The following DIAPH3 variants were observed in gnomAD, a reference collection of about 807,000 sequenced individuals.
DIAPH3 encodes diaphanous related formin 3, also known as protein diaphanous homolog 3.
Under a neutral mutation model 144.3 loss-of-function variants are expected in DIAPH3, and 117 were observed. That is an observed-to-expected ratio of 0.81 (90% CI 0.70 to 0.95). DIAPH3 has a LOEUF of 0.95. DIAPH3 is among the 40% of genes least tolerant of loss of function. The probability of loss-of-function intolerance (pLI) is 0.00; values close to 1 mark genes in which losing one functional copy is unlikely to be tolerated. For synonymous variants in DIAPH3, 519 were observed against 488.9 expected, an observed-to-expected ratio of 1.06 and a Z score of -0.81; for missense variants, 1,421 against 1,412.7, an observed-to-expected ratio of 1.01 and a Z score of -0.09.
At chr13:59,977,199 T>A (rs916880389) in intron 14 of DIAPH3, among the ~76,000 whole-genome samples, 2 of 151,692 alleles carry the variant, frequency 1.3e-5, no homozygotes, top group Admixed American at 6.6e-5. Context: ...CTAACAACCC[T>A]AAATCAATTA....
intron 4 of DIAPH3, 27 bp from the exon 5 acceptor site, chr13:60,042,847 G>A (rs1016538681): frequency 6.2e-7 from 1 of 1,610,316 alleles, no homozygotes; most frequent in African/African-American, 1.3e-5. Context: ...AAAATGTTTT[G>A]ATTAATACTG....
intron 17 of DIAPH3, among the ~76,000 whole-genome samples, chr13:59,943,400 G>A (rs540936747): frequency 1.6e-4 from 24 of 152,236 alleles, no homozygotes; most frequent in Admixed American, 7.2e-4. Context: ...GGGGAAGGAC[G>A]AACACAGACA....
intron 17 of DIAPH3, among the ~76,000 whole-genome samples, chr13:59,961,422 C>T (rs1389749591): frequency 3.3e-5 from 5 of 152,258 alleles, no homozygotes; most frequent in Admixed American, 2.0e-4. Flanking sequence ...TCCCTCACTT[C>T]GCGTGTATAT....
At chr13:59,804,188 T>C (rs1202652615) in intron 25 of DIAPH3, among the ~76,000 whole-genome samples, 6 of 152,218 alleles carry the variant, frequency 3.9e-5, no homozygotes, top group African/African-American at 1.4e-4. Flanking sequence ...GCCCCAGAAG[T>C]TCCAAACACA....
chr13:59,991,133 A>G (rs376742659), intron 12 of DIAPH3, 25 bp downstream of exon 12: 279 of 1,416,394 alleles, frequency 2.0e-4, no homozygotes, highest in Admixed American at 3.5e-4. Flanking sequence ...GTGAAAGAAA[A>G]CATTAGAATA....
chr13:59,862,436 A>G (rs189629307), intron 21 of DIAPH3, among the ~76,000 whole-genome samples: 5 of 152,310 alleles, frequency 3.3e-5, no homozygotes, highest in Non-Finnish European at 7.3e-5. Context: ...AAGCATGAAG[A>G]GTGAGTTAAA....
chr13:60,158,591 A>G (rs770431520), intron 1 of DIAPH3, among the ~76,000 whole-genome samples: 5 of 152,130 alleles, frequency 3.3e-5, no homozygotes, highest in Non-Finnish European at 5.9e-5. Context: ...GTGGAGTTCA[A>G]CAGGCCCAGG....
At chr13:59,730,086 TA>T (rs2035823276) in intron 27 of DIAPH3, among the ~76,000 whole-genome samples, 1 of 152,082 alleles carries the variant, frequency 6.6e-6, no homozygotes. Context: ...TCAGCATACT[TA>T]AAAAAACAGC....
chr13:60,065,424 A>T (rs1279970126), intron 4 of DIAPH3, among the ~76,000 whole-genome samples: 1 of 151,938 alleles, frequency 6.6e-6, no homozygotes, highest in Non-Finnish European at 1.5e-5. Context: ...TGATTGTTTG[A>T]CTCCCCTAAT....
intron 27 of DIAPH3, among the ~76,000 whole-genome samples, chr13:59,727,141 A>G (rs947194064): frequency 1.8e-4 from 27 of 152,338 alleles, no homozygotes; most frequent in African/African-American, 5.8e-4. Flanking sequence ...TTGCAAGGTT[A>G]CTGTGACCTA....
At chr13:60,098,188 G>C (rs1208936770) in intron 3 of DIAPH3, among the ~76,000 whole-genome samples, 2 of 152,068 alleles carry the variant, frequency 1.3e-5, no homozygotes, top group Non-Finnish European at 2.9e-5. Flanking sequence ...TAAAAGCAGA[G>C]CCTGAAACAG....
chr13:59,820,733 A>T (rs1381703468), intron 24 of DIAPH3, among the ~76,000 whole-genome samples: 2 of 151,332 alleles, frequency 1.3e-5, no homozygotes, highest in Admixed American at 1.3e-4. Flanking sequence ...TTTTAATAAA[A>T]CAAAATATAA....
intron 3 of DIAPH3, among the ~76,000 whole-genome samples, chr13:60,109,061 A>T (rs950629078): frequency 4.6e-5 from 7 of 152,206 alleles, no homozygotes; most frequent in Admixed American, 1.3e-4. Flanking sequence ...TCCCAAAAGG[A>T]GTACGCAGAA....
chr13:59,787,378 T>C (rs2039089478), intron 25 of DIAPH3, among the ~76,000 whole-genome samples: 1 of 152,170 alleles, frequency 6.6e-6, no homozygotes, highest in Non-Finnish European at 1.5e-5. Flanking sequence ...AGTTCTGGAA[T>C]GGGAAGATAT....
At chr13:59,837,673 A>G (rs1215473932) in intron 23 of DIAPH3, 2 of 152,064 alleles carry the variant, frequency 1.3e-5, no homozygotes, top group Non-Finnish European at 2.9e-5. Context: ...GATGAAACAT[A>G]TAACTGCAAT....
In DIAPH3 at chr13:60,149,752, CAAAAA is replaced by C. The variant is rs35814915; in HGVS notation, c.180+13830_180+13834del. Among the ~76,000 whole-genome samples the C allele has an allele frequency of 3.1e-5, 3 of 95,336 alleles. 1 individual carries two copies. The highest frequency in any genetic ancestry group is 1.3e-4 in the African/African-American group (3 of 23,354). 62.5% of individuals were successfully genotyped at this position (95,336 alleles called of 152,430 possible). ...TGGGTGACAGAGTGAGACACTGTCT[CAAAAA>C]AAAAAAAAAAAAAAGATATAAAAGA... is the stretch of plus-strand genomic sequence containing the variant. On this transcript the variant is annotated intron_variant, in intron 1 of 27. Transcript: ENST00000400324.
intron 1 of DIAPH3, among the ~76,000 whole-genome samples, chr13:60,141,468 A>G (rs542168161): frequency 2.6e-5 from 4 of 152,344 alleles, no homozygotes; most frequent in African/African-American, 9.6e-5. Context: ...TGATTGGAAG[A>G]AAAGCGGAGT....
intron 20 of DIAPH3, among the ~76,000 whole-genome samples, chr13:59,891,618 T>C (rs572269047): frequency 6.6e-5 from 10 of 152,206 alleles, no homozygotes; most frequent in South Asian, 6.2e-4. Flanking sequence ...TTCAAGTTCC[T>C]GCTTAAATAT....
chr13:60,153,934 T>C (rs1303932948), intron 1 of DIAPH3, among the ~76,000 whole-genome samples: 2 of 152,120 alleles, frequency 1.3e-5, no homozygotes, highest in Non-Finnish European at 2.9e-5. Flanking sequence ...ATCATCCTAT[T>C]ATCCCCACTT....
Sources: allele counts gnomAD v4.1 joint callset (sites outside exome capture counted in the v4.1 genomes callset), GRCh38; gene constraint gnomAD v4.1.1; transcripts MANE v1.5; gene names NCBI Gene and HGNC (gene_info 2026-07-23, HGNC 2026-07-21).